Variants in CACNA1C observed in about 807,000 individuals in gnomAD.
CACNA1C encodes voltage-dependent L-type calcium channel subunit alpha-1C.
CACNA1C carries 30 observed loss-of-function variants against 229.0 expected under a neutral mutation model. That is an observed-to-expected ratio of 0.13 (90% CI 0.10 to 0.18). The LOEUF is 0.18. Ranked by LOEUF, CACNA1C falls within the 10% of genes least tolerant of loss-of-function variation. The pLI, the probability that CACNA1C is intolerant of heterozygous loss-of-function variation, is 1.00. For synonymous variants in CACNA1C, 1,114 were observed against 1,132.5 expected (o/e 0.98, Z 0.33); for missense variants, 1,658 against 2,845.0 (o/e 0.58, Z 9.49).
At chr12:2,185,016 C>T (rs1221899239) in intron 3 of CACNA1C, among the ~76,000 whole-genome samples, 1 of 152,192 alleles carries the variant, frequency 6.6e-6, no homozygotes, top group Non-Finnish European at 1.5e-5. Flanking sequence ...GCCATGGAAT[C>T]TTACTCCGCG....
At chr12:2,521,616 A>C (rs1423802200) in intron 9 of CACNA1C, among the ~76,000 whole-genome samples, 1 of 152,172 alleles carries the variant, frequency 6.6e-6, no homozygotes, top group East Asian at 1.9e-4. Context: ...GTTCCCCAGG[A>C]TACAAAGCCG....
rs866388346 is a variant in CACNA1C at position 2,319,524 on chromosome 12, C to T, written c.478-129452C>T. 2.0e-5 allele frequency among the ~76,000 whole-genome samples: 3 copies of T among 152,120 alleles called. No individual in the cohort carries two copies. The highest frequency in any genetic ancestry group is 2.9e-5 in the Non-Finnish European group (2 of 68,000). On this transcript the variant is annotated intron_variant, in intron 3 of 46. Transcript: ENST00000399655. The surrounding 1 kb of genome is among the most constrained non-coding windows in gnomAD (Gnocchi z 4.0). ...CTGGCTCCGAACCCCCAGCAGCCAG[C>T]GGGTGGGTTGGATTCCAGGGTCTCC...
intron 34 of CACNA1C, among the ~76,000 whole-genome samples, chr12:2,662,087 A>G (rs1427689913): frequency 6.6e-6 from 1 of 152,046 alleles, no homozygotes; most frequent in Non-Finnish European, 1.5e-5. Flanking sequence ...CTAAAAATAC[A>G]AAAAATTAGC....
chr12:2,248,731 T>C (rs1004164247), intron 3 of CACNA1C, among the ~76,000 whole-genome samples: 1 of 152,242 alleles, frequency 6.6e-6, no homozygotes, highest in Non-Finnish European at 1.5e-5. Flanking sequence ...CAGGAGCGGA[T>C]GTTGCCTCCT....
chr12:2,672,923 GA>G (rs1358363730), intron 38 of CACNA1C, among the ~76,000 whole-genome samples: 2 of 152,206 alleles, frequency 1.3e-5, no homozygotes, highest in Non-Finnish European at 2.9e-5. Context: ...TGTGCAGCTG[GA>G]AGGCCCAGGA....
chr12:2,681,613 A>C (rs1239412495), intron 42 of CACNA1C, among the ~76,000 whole-genome samples: 4 of 151,084 alleles, frequency 2.6e-5, no homozygotes, highest in Non-Finnish European at 5.9e-5. Context: ...ACCAAAGCCC[A>C]CTCCACCTCC....
At position 2,187,957 on chromosome 12, in the gene CACNA1C, A is replaced by C. The variant is rs558558923; in HGVS notation, c.477+67527A>C. ...GAGGCACCTTGGCCCCTGCTGTGGT[A>C]TTGGCCACAGGTTGGGAGCTGCCTT... On this transcript the variant is annotated intron_variant, in intron 3 of 46. Coordinates refer to ENST00000399655, the MANE Select transcript of CACNA1C (RefSeq NM_000719.7). Among the ~76,000 whole-genome samples the C allele has an allele frequency of 5.9e-5, 9 of 152,280 alleles. No individual in the cohort carries two copies. The East Asian group carries it at 1.7e-3, about 29-fold the overall frequency.
intron 3 of CACNA1C, among the ~76,000 whole-genome samples, chr12:2,447,978 T>C (rs932987737): frequency 2.0e-5 from 3 of 152,240 alleles, no homozygotes; most frequent in Admixed American, 6.5e-5. Context: ...GAGGGATGGC[T>C]GAGGCTTCTG....
intron 9 of CACNA1C, among the ~76,000 whole-genome samples, chr12:2,532,734 C>T (rs183011277): frequency 6.6e-6 from 1 of 152,300 alleles, no homozygotes; most frequent in East Asian, 1.9e-4. Flanking sequence ...TTCCAGGTTT[C>T]CTGGGCCACT....
intron 3 of CACNA1C, among the ~76,000 whole-genome samples, chr12:2,306,317 A>G (rs1409697797): frequency 2.0e-5 from 3 of 152,028 alleles, no homozygotes; most frequent in Non-Finnish European, 2.9e-5. Flanking sequence ...CTGCCGTCTG[A>G]CACCTTCCAC....
At chr12:2,584,138 G>T (rs999471346) in intron 15 of CACNA1C, among the ~76,000 whole-genome samples, 3 of 152,228 alleles carry the variant, frequency 2.0e-5, no homozygotes, top group Non-Finnish European at 4.4e-5. Flanking sequence ...TCTTAAGAGC[G>T]TTCTGCATCC....
intron 3 of CACNA1C, among the ~76,000 whole-genome samples, chr12:2,183,102 G>T (rs1250740502): frequency 6.6e-6 from 1 of 152,018 alleles, no homozygotes; most frequent in Admixed American, 6.6e-5. Flanking sequence ...CCGACTCCTG[G>T]CCTCAAACAA....
At chr12:2,202,362 G>T (rs532616110) in intron 3 of CACNA1C, among the ~76,000 whole-genome samples, 2 of 152,136 alleles carry the variant, frequency 1.3e-5, no homozygotes, top group African/African-American at 4.8e-5. Context: ...CCTGGTCCCC[G>T]TTTGCCTCCA....
chr12:2,372,285 G>T (rs2097889800), intron 3 of CACNA1C, among the ~76,000 whole-genome samples: 1 of 152,194 alleles, frequency 6.6e-6, no homozygotes. Flanking sequence ...TTTAGGAAGA[G>T]AACTGTGTAC....
chr12:2,683,110 G>T (rs999956847), intron 43 of CACNA1C, among the ~76,000 whole-genome samples: 1 of 152,148 alleles, frequency 6.6e-6, no homozygotes, highest in Admixed American at 6.5e-5. Context: ...GGGCACTGGT[G>T]GCAAAGCCAG....
chr12:2,236,804 T>C (rs1251102955), intron 3 of CACNA1C, among the ~76,000 whole-genome samples: 1 of 152,146 alleles, frequency 6.6e-6, no homozygotes, highest in Non-Finnish European at 1.5e-5. Context: ...TCCTGAGAAA[T>C]GGAGGGGAGT....
intron 29 of CACNA1C, among the ~76,000 whole-genome samples, chr12:2,617,640 G>A (rs1405979427): frequency 6.6e-6 from 1 of 152,142 alleles, no homozygotes; most frequent in African/African-American, 2.4e-5. Flanking sequence ...AATGATTCTT[G>A]GCCCTGACAT....
At chr12:2,658,908 A>C (rs113636584) in intron 34 of CACNA1C, among the ~76,000 whole-genome samples, 7,216 of 152,198 alleles carry the variant, frequency 0.047, 520 homozygotes, top group African/African-American at 0.16. Context: ...GGATATGAAG[A>C]AAAATATTCT....
At chr12:2,030,681 A>G (rs972267899) in intron 1 of CACNA1C, among the ~76,000 whole-genome samples, 4 of 152,138 alleles carry the variant, frequency 2.6e-5, no homozygotes, top group African/African-American at 9.7e-5. Flanking sequence ...ATCTTTCTGG[A>G]GCCCGGGCAC....
Sources: gnomAD v4.1 joint callset for allele counts (sites outside exome capture counted in the v4.1 genomes callset) on GRCh38, gnomAD v4.1.1 for gene constraint, Gnocchi (gnomAD v3.1) non-coding constraint, MANE v1.5 for transcripts, NCBI Gene and HGNC (gene_info 2026-07-23, HGNC 2026-07-21) for gene names.